Variants in HM13 observed in about 807,000 individuals in gnomAD.
The protein encoded by HM13 is signal peptide peptidase.
HM13 carries 18 observed loss-of-function variants against 50.0 expected under a neutral mutation model. That is an observed-to-expected ratio of 0.36 (90% CI 0.25 to 0.53). The LOEUF is 0.53. Ranked by LOEUF, HM13 falls within the 20% of genes least tolerant of loss-of-function variation. The pLI, the probability that HM13 is intolerant of heterozygous loss-of-function variation, is 0.90. For missense variants in HM13, 393 were observed against 552.4 expected (o/e 0.71, Z 2.89); for synonymous variants, 197 against 232.6 (o/e 0.85, Z 1.39).
chr20:31,549,946 G>A, intron 6 of HM13, 118 bp from the exon 7 acceptor site: 1 of 776,594 alleles, frequency 1.3e-6, no homozygotes, highest in East Asian at 2.5e-5. Flanking sequence ...CTGCACTGGA[G>A]CCCCTCCCAG....
intron 2 of HM13, among the ~76,000 whole-genome samples, chr20:31,537,849 C>G (rs1033434661): frequency 1.3e-4 from 20 of 152,168 alleles, no homozygotes; most frequent in Non-Finnish European, 2.5e-4. Context: ...AACAGCTCTC[C>G]TGGGGCTCTA....
intron 7 of HM13, among the ~76,000 whole-genome samples, chr20:31,552,700 C>G (rs1195321869): frequency 1.3e-5 from 2 of 152,128 alleles, no homozygotes; most frequent in Non-Finnish European, 2.9e-5. Flanking sequence ...GCCCTGGTTT[C>G]TAGAACTGTA....
chr20:31,523,248 A>C (rs1258455845), intron 1 of HM13, among the ~76,000 whole-genome samples: 1 of 146,780 alleles, frequency 6.8e-6, no homozygotes, highest in African/African-American at 2.5e-5. Context: ...ACGGGGTTTC[A>C]CCATGTTGGC....
chr20:31,568,044 C>CT (rs201719330), intron 11 of HM13, 34 bp from the exon 12 acceptor site: 9 of 1,545,434 alleles, frequency 5.8e-6, no homozygotes, highest in African/African-American at 2.7e-5. Context: ...CTATCCATCT[C>CT]TTTTTTTCTG....
intron 10 of HM13, chr20:31,562,535 A>T (rs1984674018): frequency 6.6e-6 from 1 of 152,256 alleles, no homozygotes; most frequent in Non-Finnish European, 1.5e-5. Context: ...CGCAGCATTG[A>T]ACAGGGGCTA....
In HM13 at chr20:31,569,178, G is replaced by A. The variant is rs1985118300; in HGVS notation, c.1240G>A (p.Glu414Lys). 6.2e-7 allele frequency: 1 copy of A among 1,603,772 alleles called. No individual in the cohort carries two copies. The highest frequency in any genetic ancestry group is 8.5e-7 in the Non-Finnish European group (1 of 1,174,946). ...AAVTESKEGT[E>K]ASASKGLEKK... is the part of the protein sequence containing the mutation. ...AGTGACAGAATCCAAAGAGGGAACA[G>A]AGGCATCAGCATCGAAGGGGCTGGA... The change falls in exon 13 of 13, where the codon GAG becomes AAG. Residue 414 changes from glutamate (E) to lysine (K), a missense_variant. By Grantham distance (56) the Glu-to-Lys change is moderately conservative (BLOSUM62 1). Transcript: ENST00000398174.
chr20:31,538,480 G>T, intron 3 of HM13: 1 of 1,406,942 alleles, frequency 7.1e-7, no homozygotes, highest in Non-Finnish European at 9.3e-7. Flanking sequence ...GGATCTGGTG[G>T]GTGTTTCCAC....
chr20:31,529,959 C>G (rs1001709534), intron 2 of HM13, among the ~76,000 whole-genome samples: 2 of 151,392 alleles, frequency 1.3e-5, no homozygotes, highest in African/African-American at 4.9e-5. Flanking sequence ...CAGCGAGACT[C>G]TGTCTCAATT....
In HM13 at chr20:31,549,099, G is replaced by A; in HGVS notation, c.525G>A (p.Trp175Ter). The A allele has an allele frequency of 6.2e-7, 1 of 1,614,096 alleles. No individual in the cohort carries two copies. Among genetic ancestry groups the A allele is most frequent in the South Asian group, 1.1e-5 (1 of 91,076 alleles). Residue 175 changes from tryptophan to a stop codon, truncating the protein, a stop_gained, in exon 5 of 13, where the codon TGG (tryptophan) becomes TGA (stop). Coordinates refer to ENST00000398174, the MANE Select transcript of HM13 (RefSeq NM_178581.3). LOFTEE classifies it high-confidence loss of function. ...GCCTGAGCAGCATCGTTGGCGTCTG[G>A]TACCTGCTGAGGAAGGTGAGTAGTC... ...CLGLSSIVGV[W>*]YLLRKHWIAN...
At position 31,538,182 on chromosome 20, in the gene HM13, T is replaced by G. The variant is rs774176148; in HGVS notation, c.286T>G (p.Phe96Val). 6.2e-7 allele frequency: 1 copy of G among 1,613,866 alleles called. No homozygotes were observed. The highest frequency in any genetic ancestry group is 8.5e-7 in the Non-Finnish European group (1 of 1,179,880). The change falls in exon 3 of 13, where the codon TTC becomes GTC. Residue 96 changes from phenylalanine (F) to valine (V), a missense_variant. Physicochemically the swap from Phe to Val is conservative, Grantham distance 50. Around this residue, in one of 3 missense-constraint regions of HM13, gnomAD observed 214 missense variants for 276.1 expected, o/e 0.77. Coordinates refer to ENST00000398174, the MANE Select transcript of HM13 (RefSeq NM_178581.3). Reference sequence around the variant, plus strand: ...TCTCTTTGTATTTCTGCCTCAGATATTCTCCCAGGAGTACATCAACCTCCT... The same window carrying G: ...TCTCTTTGTATTTCTGCCTCAGATAGTCTCCCAGGAGTACATCAACCTCCT... ...LLGLYLFFKI[F>V]SQEYINLLLS... is the part of the protein sequence containing the mutation.
intron 4 of HM13, chr20:31,547,279 G>T (rs187111498): frequency 6.4e-4 from 152 of 238,164 alleles, no homozygotes; most frequent in African/African-American, 3.4e-3. Flanking sequence ...GCAGTCGAAG[G>T]AACAGCGGGC....
Position 31,532,675 on chromosome 20 carries a change from T to C in HM13, c.282+5093T>C, listed in dbSNP as rs150921834. 5.6e-3 allele frequency among the ~76,000 whole-genome samples: 850 copies of C among 152,324 alleles called. 6 individuals carry two copies. The highest frequency in any genetic ancestry group is 8.8e-3 in the Non-Finnish European group (596 of 68,024). On this transcript the variant is annotated intron_variant, in intron 2 of 12. Coordinates refer to ENST00000398174, the MANE Select transcript of HM13 (RefSeq NM_178581.3). ...TATATCTGTGTGTATGAGTGGGAATTGCATTTCCATAAATAGAACTGTGCA... is the reference window on the plus strand; with the variant it reads ...TATATCTGTGTGTATGAGTGGGAATCGCATTTCCATAAATAGAACTGTGCA...
chr20:31,528,431 C>T (rs1982621134), intron 2 of HM13, among the ~76,000 whole-genome samples: 1 of 152,256 alleles, frequency 6.6e-6, no homozygotes, highest in African/African-American at 2.4e-5. Flanking sequence ...ATCCTCCTGC[C>T]TCAGCCTCCC....
chr20:31,547,453 G>T (rs1361808206), intron 4 of HM13: 1 of 577,974 alleles, frequency 1.7e-6, no homozygotes, highest in East Asian at 3.2e-5. Context: ...CTCCACCGGA[G>T]CCTTGCCAAT....
At chr20:31,537,741 T>C (rs1320226779) in intron 2 of HM13, among the ~76,000 whole-genome samples, 1 of 152,198 alleles carries the variant, frequency 6.6e-6, no homozygotes, top group Non-Finnish European at 1.5e-5. Context: ...AGATGTCTTG[T>C]AACTAGCATG....
chr20:31,527,446 C>T, intron 1 of HM13, 38 bp from the exon 2 acceptor site: 1 of 1,446,240 alleles, frequency 6.9e-7, no homozygotes, highest in Non-Finnish European at 9.7e-7. Context: ...ATATGGGAAC[C>T]AGCCGTGCTG....
intron 1 of HM13, among the ~76,000 whole-genome samples, chr20:31,520,628 C>T (rs190470976): frequency 2.6e-5 from 4 of 152,146 alleles, no homozygotes; most frequent in South Asian, 2.1e-4. Flanking sequence ...TAAGCAGATA[C>T]GTGATACAAT....
chr20:31,558,793 G>A (rs1265086303), intron 8 of HM13, among the ~76,000 whole-genome samples: 22 of 152,124 alleles, frequency 1.4e-4, no homozygotes, highest in African/African-American at 4.8e-4. Flanking sequence ...GCGTGATCTC[G>A]GCTCACTGCA....
At chr20:31,560,249 T>A (rs1984531783) in intron 9 of HM13, among the ~76,000 whole-genome samples, 1 of 152,236 alleles carries the variant, frequency 6.6e-6, no homozygotes, top group African/African-American at 2.4e-5. Context: ...GCAATGGGAC[T>A]TGCCGTCAGC....
Sources: gnomAD v4.1 joint callset for allele counts (sites outside exome capture counted in the v4.1 genomes callset) on GRCh38, gnomAD v4.1.1 for gene constraint, gnomAD v4.1.1 regional missense constraint, MANE v1.5 for transcripts, NCBI Gene and HGNC (gene_info 2026-07-23, HGNC 2026-07-21) for gene names.